Variants in RAPGEF2 observed in about 807,000 individuals in gnomAD.
RAPGEF2 encodes PDZ domain containing guanine nucleotide exchange factor (GEF) 1.
RAPGEF2 carries 54 observed loss-of-function variants against 186.7 expected under a neutral mutation model. That is an observed-to-expected ratio of 0.29 (90% CI 0.23 to 0.36). RAPGEF2 has a LOEUF of 0.36. Among genes scored for constraint, RAPGEF2 ranks in the 10% least tolerant of loss-of-function variants. The probability of loss-of-function intolerance (pLI) is 1.00; values close to 1 mark genes in which losing one functional copy is unlikely to be tolerated. For synonymous variants in RAPGEF2, 712 were observed against 705.9 expected, an observed-to-expected ratio of 1.01 and a Z score of -0.14; for missense variants, 1,532 against 2,045.0, an observed-to-expected ratio of 0.75 and a Z score of 4.84.
intron 7 of RAPGEF2, among the ~76,000 whole-genome samples, chr4:159,286,153 C>G (rs535943349): frequency 6.7e-6 from 1 of 149,092 alleles, no homozygotes; most frequent in Admixed American, 6.8e-5. Flanking sequence ...TTCCTCATCT[C>G]AAATCACTGG....
chr4:159,247,982 G>C (rs571926411), intron 7 of RAPGEF2, among the ~76,000 whole-genome samples: 20 of 151,968 alleles, frequency 1.3e-4, no homozygotes, highest in African/African-American at 4.6e-4. Context: ...GGCTGGTCGC[G>C]AACTCCCAAC....
chr4:159,161,668 C>T (rs1203632315), intron 1 of RAPGEF2, among the ~76,000 whole-genome samples: 5 of 152,100 alleles, frequency 3.3e-5, no homozygotes, highest in African/African-American at 9.7e-5. Context: ...GCCATGATCA[C>T]GCCACTGCAC....
intron 3 of RAPGEF2, among the ~76,000 whole-genome samples, chr4:159,198,527 C>T (rs1165862168): frequency 1.3e-5 from 2 of 151,728 alleles, no homozygotes; most frequent in Admixed American, 1.3e-4. Flanking sequence ...CTCACTGCAA[C>T]CTCCACCTCG....
chr4:159,126,304 A>G (rs1224351479), intron 1 of RAPGEF2, among the ~76,000 whole-genome samples: 1 of 152,156 alleles, frequency 6.6e-6, no homozygotes. Context: ...TGGTTGAAAC[A>G]AAATACAAAA....
intron 4 of RAPGEF2, among the ~76,000 whole-genome samples, chr4:159,226,924 C>T (rs1752101418): frequency 6.6e-6 from 1 of 152,120 alleles, no homozygotes; most frequent in Non-Finnish European, 1.5e-5. Flanking sequence ...TACTTGATAT[C>T]TTTGTAAAAG....
At chr4:159,180,589 A>G (rs1050040065) in intron 1 of RAPGEF2, among the ~76,000 whole-genome samples, 4 of 152,346 alleles carry the variant, frequency 2.6e-5, no homozygotes, top group African/African-American at 9.6e-5. Flanking sequence ...TGTAAGAGCA[A>G]TAGAAGAAAC....
intron 4 of RAPGEF2, among the ~76,000 whole-genome samples, chr4:159,233,980 G>A (rs1030164754): frequency 1.4e-4 from 21 of 151,978 alleles, no homozygotes; most frequent in African/African-American, 4.8e-4. Context: ...GATTGTCTTG[G>A]CAAATTAGGG....
chr4:159,165,469 A>G (rs545746104), intron 1 of RAPGEF2, among the ~76,000 whole-genome samples: 50 of 152,348 alleles, frequency 3.3e-4, no homozygotes, highest in Non-Finnish European at 6.8e-4. Flanking sequence ...ATCTGTATAC[A>G]TAAATATAAT....
At chr4:159,113,870 T>C (rs909553023) in intron 1 of RAPGEF2, among the ~76,000 whole-genome samples, 3 of 152,126 alleles carry the variant, frequency 2.0e-5, no homozygotes, top group African/African-American at 7.2e-5. Context: ...AGGCAGTATA[T>C]TTATTAGTTG....
At chr4:159,104,553 A>AGT (rs1219918425) in intron 1 of RAPGEF2, among the ~76,000 whole-genome samples, 7,346 of 135,906 alleles carry the variant, frequency 0.054, 419 homozygotes, top group African/African-American at 0.12. Context: ...AGAGAGAGAG[A>AGT]GTGTGTGTGT....
intron 7 of RAPGEF2, among the ~76,000 whole-genome samples, chr4:159,303,615 C>T (rs909179545): frequency 4.0e-5 from 6 of 150,180 alleles, no homozygotes; most frequent in South Asian, 2.1e-4. Context: ...AAAAGGGGCT[C>T]GGTAAATATT....
chr4:159,304,590 A>AT, intron 8 of RAPGEF2, 117 bp downstream of exon 8: 5 of 918,142 alleles, frequency 5.4e-6, no homozygotes, highest in African/African-American at 1.7e-5. Context: ...TGTGCATGTA[A>AT]GTACATAAAA....
intron 20 of RAPGEF2, 99 bp from the exon 21 acceptor site, chr4:159,342,880 T>C: frequency 9.9e-7 from 1 of 1,013,000 alleles, no homozygotes; most frequent in East Asian, 2.6e-5. Context: ...TAAATTGTTA[T>C]GCATATAAAG....
At chr4:159,236,869 T>C (rs554932740) in intron 4 of RAPGEF2, among the ~76,000 whole-genome samples, 1 of 152,340 alleles carries the variant, frequency 6.6e-6, no homozygotes, top group South Asian at 2.1e-4. Flanking sequence ...AACATGAAGA[T>C]AGATTTATTA....
intron 2 of RAPGEF2, among the ~76,000 whole-genome samples, chr4:159,192,240 A>G (rs192024358): frequency 1.9e-4 from 29 of 152,336 alleles, no homozygotes; most frequent in African/African-American, 2.6e-4. Flanking sequence ...ATCAGCTGCA[A>G]TGTTTCCAGG....
chr4:159,292,040 T>C (rs1761293904), intron 7 of RAPGEF2, among the ~76,000 whole-genome samples: 1 of 152,122 alleles, frequency 6.6e-6, no homozygotes, highest in African/African-American at 2.4e-5. Flanking sequence ...GTAGAATTGG[T>C]TCACGTTAAA....
rs771114313 is a variant in RAPGEF2, at chr4:159,331,797, C to T, written c.1743C>T (p.Ser581=). 10 of 1,613,104 alleles carry T rather than the reference C, an allele frequency of 6.2e-6. No individual in the cohort carries two copies. Among genetic ancestry groups the T allele is most frequent in the Non-Finnish European group, 8.5e-6 (10 of 1,179,736 alleles). The change falls in exon 15 of 30, where the codon AGC becomes AGT. Residue 581 remains serine, a synonymous_variant. Coordinates refer to ENST00000691494, the MANE Select transcript of RAPGEF2 (RefSeq NM_001394067.2). The part of the protein sequence containing the change: ...GIFVDSVDSG[S]KATEAGLKRG... ...TTGTTGACAGTGTAGATTCAGGTAG[C>T]AAAGCAACTGAAGCAGGCTTGAAAC...
At chr4:159,258,112 T>C (rs1756397820) in intron 7 of RAPGEF2, among the ~76,000 whole-genome samples, 1 of 152,240 alleles carries the variant, frequency 6.6e-6, no homozygotes, top group Non-Finnish European at 1.5e-5. Context: ...TATTTACAAT[T>C]AAATATTCTA....
chr4:159,169,298 C>T (rs1001991222), intron 1 of RAPGEF2, among the ~76,000 whole-genome samples: 1 of 152,064 alleles, frequency 6.6e-6, no homozygotes, highest in Admixed American at 6.6e-5. Flanking sequence ...CTGCTGTTCT[C>T]TTGTTTTTAA....
Sources: gnomAD v4.1 joint callset for allele counts (sites outside exome capture counted in the v4.1 genomes callset) on GRCh38, gnomAD v4.1.1 for gene constraint, MANE v1.5 for transcripts, NCBI Gene and HGNC (gene_info 2026-07-23, HGNC 2026-07-21) for gene names.